PCDHGC5: variants seen among roughly 807,000 people sequenced by gnomAD.
PCDHGC5 encodes the protein protocadherin gamma-C5.
PCDHGC5 carries 25 observed loss-of-function variants against 59.0 expected under a neutral mutation model. That is an observed-to-expected ratio of 0.42 (90% CI 0.31 to 0.59). The LOEUF is 0.59. Among genes scored for constraint, PCDHGC5 ranks in the 20% least tolerant of loss-of-function variants. PCDHGC5 has a pLI of 0.13. For missense variants in PCDHGC5, 1,067 were observed against 1,206.4 expected (o/e 0.88, Z 1.71); for synonymous variants, 434 against 505.5 (o/e 0.86, Z 1.90).
intron 2 of PCDHGC5, among the ~76,000 whole-genome samples, chr5:141,504,179 A>C (rs1247627456): frequency 6.6e-6 from 1 of 152,240 alleles, no homozygotes; most frequent in Non-Finnish European, 1.5e-5. Context: ...AATTCAAAAA[A>C]ATCATGAAAA....
Position 141,489,515 on chromosome 5 carries a change from G to C in PCDHGC5, c.275G>C (p.Arg92Pro), listed in dbSNP as rs983415025. Residue 92 changes from arginine to proline, a missense_variant, in exon 1 of 4, where the codon CGA becomes CCA. Coordinates refer to ENST00000252087, the MANE Select transcript of PCDHGC5 (RefSeq NM_018929.3). The surrounding 1 kb of genome is among the most constrained non-coding windows in gnomAD (Gnocchi z 4.5). ...GALAVNQKID[R>P]ESLCGASTSC... ...CTGGCAGTGAATCAAAAGATTGACC[G>C]AGAAAGCCTATGTGGAGCCAGCACC... 1 of 1,614,104 alleles carries C rather than the reference G, an allele frequency of 6.2e-7. No individual in the cohort carries two copies. The highest frequency in any genetic ancestry group is 8.5e-7 in the Non-Finnish European group (1 of 1,180,034).
chr5:141,497,211 G>T (rs914346878), intron 2 of PCDHGC5, among the ~76,000 whole-genome samples: 12 of 28,538 alleles, frequency 4.2e-4, no homozygotes, highest in African/African-American at 1.1e-3. Context: ...GAGTGTAATG[G>T]GGGGGGGAAG....
At chr5:141,498,863 G>A (rs1311199561) in intron 2 of PCDHGC5, among the ~76,000 whole-genome samples, 2 of 151,466 alleles carry the variant, frequency 1.3e-5, no homozygotes, top group South Asian at 2.1e-4. Context: ...AACCCAGGAG[G>A]CGGAGGTTGC....
At position 141,489,302 on chromosome 5, in the gene PCDHGC5, T is replaced by C. The variant is rs1258736404; in HGVS notation, c.62T>C (p.Leu21Ser). 2 of 1,586,886 alleles carry C rather than the reference T, an allele frequency of 1.3e-6. No homozygotes were observed. The highest frequency in any genetic ancestry group is 2.3e-5 in the South Asian group (2 of 85,378). ...TGGCAAGTGCTGTGCATGTTGTCCT[T>C]GTGCTGCTGGGGCTGGGTGTCTGGG... The part of the protein sequence containing the change: ...GKWQVLCMLS[L>S]CCWGWVSGQL... The change falls in exon 1 of 4, where the codon TTG becomes TCG. Residue 21 changes from leucine (L) to serine (S), a missense_variant. By Grantham distance (145) the Leu-to-Ser change is moderately radical. Transcript: ENST00000252087. The surrounding 1 kb of genome is among the most constrained non-coding windows in gnomAD (Gnocchi z 4.5).
In PCDHGC5 at chr5:141,489,872, T is replaced by A. The variant is rs2099693206; in HGVS notation, c.632T>A (p.Val211Glu). 1 of 1,614,090 alleles carries A rather than the reference T, an allele frequency of 6.2e-7. No homozygotes were observed. The highest frequency in any genetic ancestry group is 8.5e-7 in the Non-Finnish European group (1 of 1,180,016). The change falls in exon 1 of 4, where the codon GTG (valine) becomes GAG (glutamate). Residue 211 changes from valine (V) to glutamate (E), a missense_variant. Coordinates refer to ENST00000252087, the MANE Select transcript of PCDHGC5 (RefSeq NM_018929.3). The surrounding 1 kb of genome is among the most constrained non-coding windows in gnomAD (Gnocchi z 4.5). ...DREAQARHQLVLTAVDGGTPA... is the reference protein window; with the variant it reads ...DREAQARHQLELTAVDGGTPA... ...GAAGCCCAGGCAAGACATCAGCTGG[T>A]GCTTACTGCTGTGGATGGGGGGACC...
In PCDHGC5 at chr5:141,490,584, T is replaced by C; in HGVS notation, c.1344T>C (p.Asn448=). The stretch of plus-strand genomic sequence containing the variant: ...TCAGGCTCAACATTTCAGATGTCAA[T>C]GACAATGCACCCCGCTTCAACCAGC... ...LTIRLNISDV[N]DNAPRFNQQL... Residue 448 remains asparagine (N), a synonymous_variant, in exon 1 of 4, where the codon AAT becomes AAC. Coordinates refer to ENST00000252087, the MANE Select transcript of PCDHGC5 (RefSeq NM_018929.3). The surrounding 1 kb of genome is among the most constrained non-coding windows in gnomAD (Gnocchi z 5.4). 6.2e-7 allele frequency: 1 copy of C among 1,614,170 alleles called. No individual in the cohort carries two copies. Among genetic ancestry groups the C allele is most frequent in the South Asian group, 1.1e-5 (1 of 91,080 alleles).
chr5:141,503,471 C>A (rs2099820129), intron 2 of PCDHGC5, among the ~76,000 whole-genome samples: 1 of 151,836 alleles, frequency 6.6e-6, no homozygotes, highest in African/African-American at 2.4e-5. Context: ...GGCATGTGTG[C>A]ACTTGTCGTC....
At position 141,494,704 on chromosome 5, in the gene PCDHGC5, T is replaced by C. The variant is rs2099756232; in HGVS notation, c.2461-103T>C. Reference sequence around the variant, plus strand: ...CCCCCTCTTAGTCCGTTTTCTTCTCTGTGCCCACTCCCCTCCTTCTCTCCC... The same window carrying C: ...CCCCCTCTTAGTCCGTTTTCTTCTCCGTGCCCACTCCCCTCCTTCTCTCCC... On this transcript the variant is annotated intron_variant, in intron 1 of 3. Transcript: ENST00000252087. The C allele has an allele frequency of 3.1e-6, 5 of 1,597,570 alleles. No individual in the cohort carries two copies. The Admixed American group carries it at 8.5e-5, about 27-fold the overall frequency.
intron 2 of PCDHGC5, 143 bp from the exon 3 acceptor site, chr5:141,505,250 T>C: frequency 2.8e-6 from 4 of 1,439,476 alleles, no homozygotes; most frequent in Non-Finnish European, 9.3e-7. Flanking sequence ...ATTGTAGAAG[T>C]GCCTCCTACC....
chr5:141,503,343 T>C (rs558650835), intron 2 of PCDHGC5, among the ~76,000 whole-genome samples: 87 of 152,106 alleles, frequency 5.7e-4, no homozygotes, highest in South Asian at 1.2e-3. Flanking sequence ...ACGCCTGTAA[T>C]TCCAGCACTT....
rs754178145 is a variant in PCDHGC5 at position 141,489,423 on chromosome 5, C to G, written c.183C>G (p.Ser61Arg). Residue 61 changes from serine to arginine, a missense_variant, in exon 1 of 4, where the codon AGC becomes AGG. Transcript: ENST00000252087. The surrounding 1 kb of genome is among the most constrained non-coding windows in gnomAD (Gnocchi z 4.5). ...DLGLKMTDLL[S>R]RRLQLGSEEN... ...GCTTAAAGATGACAGATCTGTTGAG[C>G]CGGCGGCTGCAATTGGGCTCTGAGG... 3 of 1,614,098 alleles carry G rather than the reference C, an allele frequency of 1.9e-6. No individual in the cohort carries two copies. The highest frequency in any genetic ancestry group is 1.7e-5 in the Admixed American group (1 of 60,020).
chr5:141,509,663 G>A (rs933532930), intron 3 of PCDHGC5, among the ~76,000 whole-genome samples: 1 of 152,140 alleles, frequency 6.6e-6, no homozygotes, highest in Non-Finnish European at 1.5e-5. Context: ...ACTTCTCTGG[G>A]CCCCAGTTTC....
At chr5:141,506,699 C>T (rs758682427) in intron 3 of PCDHGC5, among the ~76,000 whole-genome samples, 2 of 152,094 alleles carry the variant, frequency 1.3e-5, no homozygotes, top group Non-Finnish European at 2.9e-5. Flanking sequence ...GACCCAAACC[C>T]GTTTTTTACT....
Position 141,512,423 on chromosome 5 carries a change from T to C in PCDHGC5, c.*1250T>C, listed in dbSNP as rs2099884220. ...GATGGGGCTTCTTCAACAGGGCCCC[T>C]GCCCTCCTGAAGCCTCAGTCCTTCA... is the stretch of plus-strand genomic sequence containing the variant. On this transcript the variant is annotated 3_prime_UTR_variant, in exon 4 of 4. Transcript: ENST00000252087. 1 of 152,754 alleles carries C rather than the reference T, an allele frequency of 6.5e-6. No individual in the cohort carries two copies. The highest frequency in any genetic ancestry group is 6.5e-5 in the Admixed American group (1 of 15,274). The allele number at this position is 152,754 out of a possible 1,614,324, so 9.5% of individuals were successfully genotyped here.
intron 2 of PCDHGC5, among the ~76,000 whole-genome samples, chr5:141,499,689 CTTTTT>C (rs545067566): frequency 3.3e-5 from 4 of 119,852 alleles, no homozygotes; most frequent in Non-Finnish European, 3.5e-5. Flanking sequence ...TAACAGATGA[CTTTTT>C]TTTTTTTTTT....
chr5:141,508,139 G>C (rs1243018384), intron 3 of PCDHGC5: 1 of 152,514 alleles, frequency 6.6e-6, no homozygotes, highest in African/African-American at 2.4e-5. Flanking sequence ...CAGGGAGCTG[G>C]GGGCTGAGTT....
Position 141,511,315 on chromosome 5 carries a change from G to A in PCDHGC5, c.*142G>A. ...AAGGCCATGCTCCCCTTGGGAAACA[G>A]AAACAAGTGCCCAGTCAGCACCTAC... On this transcript the variant is annotated 3_prime_UTR_variant, in exon 4 of 4. Coordinates refer to ENST00000252087, the MANE Select transcript of PCDHGC5 (RefSeq NM_018929.3). 6.8e-7 allele frequency: 1 copy of A among 1,481,384 alleles called. No individual in the cohort carries two copies. Among genetic ancestry groups the A allele is most frequent in the Non-Finnish European group, 9.0e-7 (1 of 1,110,974 alleles). 91.8% of individuals were successfully genotyped at this position (1,481,384 alleles called of 1,614,324 possible).
At chr5:141,502,542 A>G (rs2099814957) in intron 2 of PCDHGC5, among the ~76,000 whole-genome samples, 1 of 152,216 alleles carries the variant, frequency 6.6e-6, no homozygotes, top group Admixed American at 6.5e-5. Context: ...TTCGTGTGGT[A>G]AAAACAGTGT....
chr5:141,498,807 C>G (rs113587634), intron 2 of PCDHGC5, among the ~76,000 whole-genome samples: 1 of 152,030 alleles, frequency 6.6e-6, no homozygotes, highest in Non-Finnish European at 1.5e-5. Flanking sequence ...GTGGTGCACA[C>G]CTGTAGTCCC....
Sources: gnomAD v4.1 joint callset for allele counts (sites outside exome capture counted in the v4.1 genomes callset) on GRCh38, gnomAD v4.1.1 for gene constraint, Gnocchi (gnomAD v3.1) non-coding constraint, MANE v1.5 for transcripts, NCBI Gene and HGNC (gene_info 2026-07-23, HGNC 2026-07-21) for gene names.